CFAP58: variants seen among roughly 807,000 people sequenced by gnomAD.
CFAP58 encodes the protein cilia- and flagella-associated protein 58.
A neutral mutation model predicts 119.5 loss-of-function variants in CFAP58; 88 were observed. The observed-to-expected ratio is 0.74, with a 90% CI of 0.62 to 0.88. The LOEUF is 0.88. Among genes scored for constraint, CFAP58 ranks in the 40% least tolerant of loss-of-function variants. The pLI, the probability that CFAP58 is intolerant of heterozygous loss-of-function variation, is 0.00. For synonymous variants in CFAP58, 365 were observed against 366.3 expected (o/e 1.00, Z 0.04); for missense variants, 990 against 1,021.2 (o/e 0.97, Z 0.42).
At chr10:104,387,985 C>T (rs2011958487) in intron 9 of CFAP58, among the ~76,000 whole-genome samples, 1 of 152,112 alleles carries the variant, frequency 6.6e-6, no homozygotes, top group Non-Finnish European at 1.5e-5. Context: ...GGACTTAATG[C>T]AAGCAAAGAA....
chr10:104,452,667 G>A (rs1277669400), intron 17 of CFAP58, among the ~76,000 whole-genome samples: 2 of 152,206 alleles, frequency 1.3e-5, no homozygotes, highest in Admixed American at 6.5e-5. Flanking sequence ...AAATTACTGT[G>A]AAATCAGTTC....
At chr10:104,350,701 C>CATCTTATTGCATTAGAATTAACTGT (rs2014449856), upstream of CFAP58, among the ~76,000 whole-genome samples, 3 of 152,212 alleles carry the variant, frequency 2.0e-5, no homozygotes, top group African/African-American at 7.2e-5. Flanking sequence ...TAAATGATAC[C>CATCTTATTGCATTAGAATTAACTGT]ATCTTATTGC....
rs1245182620 is a variant in CFAP58, at chr10:104,447,794, C to T, written c.2353C>T (p.His785Tyr). The change falls in exon 16 of 18, where the codon CAT becomes TAT. Residue 785 changes from histidine to tyrosine, a missense_variant. Physicochemically the swap from His to Tyr is moderately conservative, Grantham distance 83. Coordinates refer to ENST00000369704, the MANE Select transcript of CFAP58 (RefSeq NM_001008723.2). ...GCTGAAGCTGTACCGACGCACGCTGCATGACAAGAAGCAGCAGCTGAAAGT... is the reference window on the plus strand; with the variant it reads ...GCTGAAGCTGTACCGACGCACGCTGTATGACAAGAAGCAGCAGCTGAAAGT... ...EQLKLYRRTL[H>Y]DKKQQLKVLS... The T allele has an allele frequency of 1.2e-6, 2 of 1,613,580 alleles. No homozygotes were observed. The highest frequency in any genetic ancestry group is 2.2e-5 in the East Asian group (1 of 44,882).
At chr10:104,421,528 T>G (rs1331388134) in intron 15 of CFAP58, among the ~76,000 whole-genome samples, 1 of 152,208 alleles carries the variant, frequency 6.6e-6, no homozygotes, top group Non-Finnish European at 1.5e-5. Context: ...GTAAACCTTA[T>G]TGGGTCTGCT....
chr10:104,420,457 G>A (rs1393962630), intron 15 of CFAP58, among the ~76,000 whole-genome samples: 1 of 152,206 alleles, frequency 6.6e-6, no homozygotes, highest in Non-Finnish European at 1.5e-5. Flanking sequence ...GACTTCTGGA[G>A]TCCAGATCTT....
At chr10:104,356,989 G>T (rs1006531943) in intron 1 of CFAP58, among the ~76,000 whole-genome samples, 1 of 152,160 alleles carries the variant, frequency 6.6e-6, no homozygotes, top group East Asian at 1.9e-4. Flanking sequence ...GAAGTAGGTG[G>T]ATTTGTTTGC....
In CFAP58 at chr10:104,385,123, A is replaced by T. The variant is rs115457504; in HGVS notation, c.1365+4903A>T. On this transcript the variant is annotated intron_variant, in intron 9 of 17. Coordinates refer to ENST00000369704, the MANE Select transcript of CFAP58 (RefSeq NM_001008723.2). The stretch of plus-strand genomic sequence containing the variant: ...GGGTGGTGAGGATGTGAGGTGACAC[A>T]TCCCAGAAAAAGGACAGTATGTGCA... 1.7e-3 allele frequency among the ~76,000 whole-genome samples: 258 copies of T among 152,292 alleles called. 1 individual carries two copies. Among genetic ancestry groups the T allele is most frequent in the African/African-American group, 5.9e-3 (245 of 41,564 alleles).
chr10:104,345,028 G>GT, the CFAP58 span, among the ~76,000 whole-genome samples: 366 of 152,000 alleles, frequency 2.4e-3, 5 homozygotes, highest in African/African-American at 7.8e-3. Flanking sequence ...CATGCCTATA[G>GT]CCCAGCTACT....
intron 16 of CFAP58, among the ~76,000 whole-genome samples, chr10:104,448,894 G>GA (rs1249671818): frequency 2.0e-5 from 3 of 152,208 alleles, no homozygotes; most frequent in Non-Finnish European, 4.4e-5. Flanking sequence ...ATATAGATTA[G>GA]AAAAGCACAG....
chr10:104,445,522 T>C (rs2013101448), intron 15 of CFAP58, among the ~76,000 whole-genome samples: 1 of 151,380 alleles, frequency 6.6e-6, no homozygotes. Flanking sequence ...AGGTGAGTCA[T>C]GCTCTTACCA....
intron 15 of CFAP58, among the ~76,000 whole-genome samples, chr10:104,438,344 T>C (rs1449683715): frequency 2.8e-5 from 2 of 71,418 alleles, no homozygotes; most frequent in African/African-American, 1.5e-4. Flanking sequence ...GTTTTTTGTT[T>C]TTTGTTTTTT....
Position 104,447,683 on chromosome 10 carries a change from TC to T in CFAP58, c.2257-14del. 2 of 1,613,414 alleles carry T rather than the reference TC, an allele frequency of 1.2e-6. No homozygotes were observed. The highest frequency in any genetic ancestry group is 1.7e-6 in the Non-Finnish European group (2 of 1,179,642). ...GGGGCTGTTTATCTCTGCTCCTGGT[TC>T]TGCTCTCCACTAGGAAAAGGAGAAA... On this transcript the variant is annotated splice_polypyrimidine_tract_variant and intron_variant, in intron 15 of 17. Coordinates refer to ENST00000369704, the MANE Select transcript of CFAP58 (RefSeq NM_001008723.2).
intron 16 of CFAP58, among the ~76,000 whole-genome samples, chr10:104,448,206 G>A (rs1325860098): frequency 2.6e-5 from 4 of 152,218 alleles, no homozygotes; most frequent in Admixed American, 1.3e-4. Context: ...CCGTGCCACA[G>A]TGGGTCCCTG....
At chr10:104,396,037 A>G (rs111481021) in intron 11 of CFAP58, among the ~76,000 whole-genome samples, 4 of 152,252 alleles carry the variant, frequency 2.6e-5, no homozygotes, top group African/African-American at 9.6e-5. Flanking sequence ...CTGTCAGCAC[A>G]TTATGGTTGT....
chr10:104,435,612 T>C (rs913809594), intron 15 of CFAP58, among the ~76,000 whole-genome samples: 1 of 152,200 alleles, frequency 6.6e-6, no homozygotes, highest in African/African-American at 2.4e-5. Flanking sequence ...GGCTCAGAAG[T>C]TTGCAGATTC....
the CFAP58 span, among the ~76,000 whole-genome samples, chr10:104,347,315 T>C: frequency 1.3e-5 from 2 of 152,042 alleles, no homozygotes; most frequent in African/African-American, 2.4e-5. Flanking sequence ...GGAGACCCTT[T>C]GGGAGCTGAT....
intron 11 of CFAP58, among the ~76,000 whole-genome samples, chr10:104,399,095 T>C (rs1241013176): frequency 6.6e-6 from 1 of 152,040 alleles, no homozygotes; most frequent in Non-Finnish European, 1.5e-5. Context: ...TACACATATA[T>C]AGAAAAATGA....
chr10:104,397,997 T>A (rs2012194494), intron 11 of CFAP58, among the ~76,000 whole-genome samples: 1 of 152,262 alleles, frequency 6.6e-6, no homozygotes, highest in South Asian at 2.1e-4. Flanking sequence ...GCTGTTCCAC[T>A]GTCTGGTGAA....
intron 11 of CFAP58, among the ~76,000 whole-genome samples, chr10:104,393,926 G>A (rs775676103): frequency 2.4e-4 from 37 of 152,256 alleles, no homozygotes; most frequent in African/African-American, 7.7e-4. Flanking sequence ...TGCATGTGAC[G>A]TTTCTATCTG....
Sources: gnomAD v4.1 joint callset for allele counts (sites outside exome capture counted in the v4.1 genomes callset) on GRCh38, gnomAD v4.1.1 for gene constraint, MANE v1.5 for transcripts, NCBI Gene and HGNC (gene_info 2026-07-23, HGNC 2026-07-21) for gene names.